NCKAP5: variants seen among roughly 807,000 people sequenced by gnomAD.
The protein encoded by NCKAP5 is NCK associated protein 5.
In NCKAP5, 92 loss-of-function variants were observed where a neutral mutation model predicts 167.0. The ratio of observed to expected loss-of-function variants is 0.55; its 90% confidence interval spans 0.47 to 0.66. The LOEUF (loss-of-function observed/expected upper bound fraction) is 0.66, where lower values mean the gene tolerates loss of function less well. NCKAP5 is among the 30% of genes least tolerant of loss of function. The pLI is 0.00. For missense variants in NCKAP5, 2,378 were observed against 2,315.0 expected (o/e 1.03, Z -0.56); for synonymous variants, 891 against 877.4 (o/e 1.02, Z -0.27).
chr2:133,618,649 C>G, the NCKAP5 span, among the ~76,000 whole-genome samples: 4 of 151,916 alleles, frequency 2.6e-5, no homozygotes, highest in Non-Finnish European at 5.9e-5. Flanking sequence ...AAAAAGTCAG[C>G]AAACAACAGG....
At chr2:133,578,877 T>C in the NCKAP5 span, among the ~76,000 whole-genome samples, 1 of 152,218 alleles carries the variant, frequency 6.6e-6, no homozygotes, top group Non-Finnish European at 1.5e-5. Flanking sequence ...CTTAGATAAC[T>C]GGAACACTGA....
chr2:133,156,773 C>T (rs2083592945), intron 5 of NCKAP5, among the ~76,000 whole-genome samples: 1 of 152,170 alleles, frequency 6.6e-6, no homozygotes, highest in African/African-American at 2.4e-5. Flanking sequence ...GTTCTCTAAT[C>T]CATCTTATAT....
At position 132,672,781 on chromosome 2, in the gene NCKAP5, A is replaced by G; in HGVS notation, c.*508T>C. 2 of 222,646 alleles carry G rather than the reference A, an allele frequency of 9.0e-6. No individual in the cohort carries two copies. Among genetic ancestry groups the G allele is most frequent in the South Asian group, 1.6e-4 (1 of 6,104 alleles). The allele number at this position is 222,646 out of a possible 1,614,324, so 13.8% of individuals were successfully genotyped here. ...TACAAATATTCAAAAAAAGTGCAAA[A>G]TTAAGGATTCTGTATCATAGATGTG... is the stretch of plus-strand genomic sequence containing the variant. On this transcript the variant is annotated 3_prime_UTR_variant, in exon 20 of 20. Transcript: ENST00000409261.
the NCKAP5 span, among the ~76,000 whole-genome samples, chr2:133,574,610 T>G: frequency 1.4e-5 from 2 of 143,938 alleles, no homozygotes; most frequent in Non-Finnish European, 3.1e-5. Context: ...TTCCTTTTTT[T>G]TTTTTTTTTT....
At chr2:133,361,043 G>C (rs1237850335) in intron 3 of NCKAP5, among the ~76,000 whole-genome samples, 2 of 149,838 alleles carry the variant, frequency 1.3e-5, no homozygotes, top group African/African-American at 5.1e-5. Context: ...CTGGTGACTG[G>C]AGAATCTTAC....
At chr2:133,147,370 C>G (rs978787533) in intron 5 of NCKAP5, among the ~76,000 whole-genome samples, 2 of 152,244 alleles carry the variant, frequency 1.3e-5, no homozygotes, top group Admixed American at 1.3e-4. Flanking sequence ...TTCCATTTAT[C>G]TCTTTAGAGG....
chr2:133,333,480 G>A (rs1047773371), intron 3 of NCKAP5, among the ~76,000 whole-genome samples: 2 of 152,076 alleles, frequency 1.3e-5, no homozygotes, highest in African/African-American at 4.8e-5. Context: ...GCCTTGACGA[G>A]CTCAACAAAT....
chr2:133,562,316 CATAG>C (rs1235580681), intron 1 of NCKAP5, among the ~76,000 whole-genome samples: 5 of 152,040 alleles, frequency 3.3e-5, no homozygotes, highest in Admixed American at 1.3e-4. Flanking sequence ...CATATATATA[CATAG>C]ATATATAAAC....
intron 4 of NCKAP5, among the ~76,000 whole-genome samples, chr2:133,270,029 G>T (rs2089437462): frequency 6.6e-6 from 1 of 152,196 alleles, no homozygotes; most frequent in African/African-American, 2.4e-5. Context: ...GCAAATTTTG[G>T]TGGAAGAATC....
At chr2:133,508,568 A>G (rs1185279764) in intron 3 of NCKAP5, among the ~76,000 whole-genome samples, 1 of 152,218 alleles carries the variant, frequency 6.6e-6, no homozygotes, top group East Asian at 1.9e-4. Context: ...AACTCGAAAA[A>G]GAAGAGCAGG....
intron 3 of NCKAP5, among the ~76,000 whole-genome samples, chr2:133,471,488 A>G (rs919585239): frequency 1.3e-5 from 2 of 151,996 alleles, no homozygotes; most frequent in African/African-American, 4.8e-5. Context: ...CTAGTGCTAG[A>G]GCCATTGCTA....
At chr2:133,324,050 A>T (rs1682256989) in intron 3 of NCKAP5, among the ~76,000 whole-genome samples, 1 of 152,224 alleles carries the variant, frequency 6.6e-6, no homozygotes, top group South Asian at 2.1e-4. Context: ...CAGCTTCTAA[A>T]AATACCTGCC....
chr2:133,243,494 A>G (rs2087824625), intron 4 of NCKAP5, among the ~76,000 whole-genome samples: 1 of 152,234 alleles, frequency 6.6e-6, no homozygotes, highest in Admixed American at 6.5e-5. Context: ...TCAGTCCAGT[A>G]GCTATGGAAA....
chr2:133,389,785 A>G (rs1475765569), intron 3 of NCKAP5, among the ~76,000 whole-genome samples: 2 of 152,138 alleles, frequency 1.3e-5, no homozygotes, highest in Admixed American at 6.5e-5. Context: ...CTCCTTTGCC[A>G]GAAGACTCCA....
chr2:132,885,369 T>C (rs867041592), intron 8 of NCKAP5, among the ~76,000 whole-genome samples: 19 of 152,234 alleles, frequency 1.2e-4, no homozygotes, highest in African/African-American at 4.6e-4. Context: ...TTTTCTACTT[T>C]AAATAAGTAT....
At chr2:133,389,149 G>T (rs1469978506) in intron 3 of NCKAP5, among the ~76,000 whole-genome samples, 1 of 152,222 alleles carries the variant, frequency 6.6e-6, no homozygotes, top group Non-Finnish European at 1.5e-5. Flanking sequence ...CTGTACACTG[G>T]AGCTGCTCCT....
intron 19 of NCKAP5, among the ~76,000 whole-genome samples, chr2:132,704,249 A>G (rs1274681881): frequency 5.3e-5 from 8 of 152,034 alleles, no homozygotes; most frequent in African/African-American, 1.9e-4. Context: ...TGAAGTAGGT[A>G]TCCGTCTTTC....
At chr2:133,032,487 C>T (rs1004577722) in intron 6 of NCKAP5, among the ~76,000 whole-genome samples, 4 of 152,132 alleles carry the variant, frequency 2.6e-5, no homozygotes, top group African/African-American at 9.7e-5. Flanking sequence ...TGATTCTAGT[C>T]CCTGACTCCC....
intron 3 of NCKAP5, among the ~76,000 whole-genome samples, chr2:133,306,022 C>G (rs972831915): frequency 1.3e-5 from 2 of 152,228 alleles, no homozygotes; most frequent in East Asian, 1.9e-4. Context: ...TTTCTGGACC[C>G]TGAACTGGAA....
Sources: gnomAD v4.1 joint callset for allele counts (sites outside exome capture counted in the v4.1 genomes callset) on GRCh38, gnomAD v4.1.1 for gene constraint, MANE v1.5 for transcripts, NCBI Gene and HGNC (gene_info 2026-07-23, HGNC 2026-07-21) for gene names.